ARHGAP29: variants seen among roughly 807,000 people sequenced by gnomAD.
The protein encoded by ARHGAP29 is rho GTPase-activating protein 29.
ARHGAP29 carries 43 observed loss-of-function variants against 122.6 expected under a neutral mutation model. The observed-to-expected ratio is 0.35, with a 90% CI of 0.27 to 0.45. The LOEUF is 0.45. ARHGAP29 is among the 20% of genes least tolerant of loss of function. The pLI, the probability that ARHGAP29 is intolerant of heterozygous loss-of-function variation, is 1.00. For missense variants in ARHGAP29, 1,303 were observed against 1,477.2 expected (o/e 0.88, Z 1.93); for synonymous variants, 506 against 497.1 (o/e 1.02, Z -0.24).
intron 1 of ARHGAP29, among the ~76,000 whole-genome samples, chr1:94,253,040 G>T (rs1007086994): frequency 1.3e-5 from 2 of 151,704 alleles, no homozygotes; most frequent in East Asian, 3.9e-4. Flanking sequence ...GCGTGATCTC[G>T]GCTCACTGCA....
intron 3 of ARHGAP29, among the ~76,000 whole-genome samples, chr1:94,217,529 C>CA (rs11297785): frequency 0.015 from 1,877 of 127,662 alleles, 36 homozygotes; most frequent in African/African-American, 0.049. Context: ...GACACCGTCT[C>CA]AAAAAAAAAA....
chr1:94,300,309 A>T, the ARHGAP29 span, among the ~76,000 whole-genome samples: 2 of 152,166 alleles, frequency 1.3e-5, no homozygotes, highest in Non-Finnish European at 2.9e-5. Context: ...ACAATACTTA[A>T]TTGATTTGCC....
intron 2 of ARHGAP29, among the ~76,000 whole-genome samples, chr1:94,226,702 G>A (rs570115471): frequency 6.6e-6 from 1 of 151,290 alleles, no homozygotes; most frequent in East Asian, 1.9e-4. Context: ...CCGAGAACTG[G>A]TACAGGTGTA....
chr1:94,196,331 G>A (rs1348351749), intron 12 of ARHGAP29, among the ~76,000 whole-genome samples: 1 of 128,772 alleles, frequency 7.8e-6, no homozygotes, highest in Non-Finnish European at 1.6e-5. Context: ...GCGCGATCTC[G>A]GCTCACTGCA....
rs1372786457 is a variant in ARHGAP29, at chr1:94,169,440, A to G, written c.*4429T>C. On this transcript the variant is annotated 3_prime_UTR_variant, in exon 23 of 23. Coordinates refer to ENST00000260526, the MANE Select transcript of ARHGAP29 (RefSeq NM_004815.4). Reference sequence around the variant, plus strand: ...GGCATGTCAAGAGGTTGAGGGAGGGAGGAAGAATGAACAAATTATTTAGGA... The same window carrying G: ...GGCATGTCAAGAGGTTGAGGGAGGGGGGAAGAATGAACAAATTATTTAGGA... 6.6e-6 allele frequency among the ~76,000 whole-genome samples: 1 copy of G among 152,124 alleles called. No homozygotes were observed. The highest frequency in any genetic ancestry group is 1.5e-5 in the Non-Finnish European group (1 of 68,022).
the ARHGAP29 span, among the ~76,000 whole-genome samples, chr1:94,305,832 TAC>T: frequency 6.6e-5 from 10 of 152,224 alleles, no homozygotes; most frequent in African/African-American, 2.4e-4. Flanking sequence ...TTCACTGTCT[TAC>T]CTCAAAGTTC....
At chr1:94,310,953 C>T in the ARHGAP29 span, among the ~76,000 whole-genome samples, 1 of 152,160 alleles carries the variant, frequency 6.6e-6, no homozygotes, top group African/African-American at 2.4e-5. Flanking sequence ...TTCTACTCTC[C>T]CACTTGCCCT....
At position 94,185,463 on chromosome 1, in the gene ARHGAP29, G is replaced by T; in HGVS notation, c.1799C>A (p.Thr600Lys). The change falls in exon 17 of 23, where the codon ACA becomes AAA. Residue 600 changes from threonine (T) to lysine (K), a missense_variant. Thr to Lys is a moderately conservative substitution (Grantham distance 78). Transcript: ENST00000260526. ...PSETGPNSLG[T>K]FKKTLMSKAA... ...CTTTGACATCAATGTTTTCTTAAATGTTCCAAGGGAATTGGGTCCTTGCAA... is the reference window on the plus strand; with the variant it reads ...CTTTGACATCAATGTTTTCTTAAATTTTCCAAGGGAATTGGGTCCTTGCAA... 6.2e-7 allele frequency: 1 copy of T among 1,607,442 alleles called. No individual in the cohort carries two copies. The highest frequency in any genetic ancestry group is 8.5e-7 in the Non-Finnish European group (1 of 1,177,900).
intron 2 of ARHGAP29, among the ~76,000 whole-genome samples, chr1:94,226,410 A>G (rs1261915503): frequency 6.6e-6 from 1 of 152,024 alleles, no homozygotes; most frequent in Non-Finnish European, 1.5e-5. Flanking sequence ...ATAGACACAG[A>G]AACAAGCATA....
intron 20 of ARHGAP29, 115 bp from the exon 21 acceptor site, chr1:94,178,282 G>C: frequency 1.0e-6 from 1 of 956,052 alleles, no homozygotes; most frequent in Non-Finnish European, 1.5e-6. Flanking sequence ...AAATACTAGG[G>C]GGAAAAAGTC....
intron 12 of ARHGAP29, chr1:94,191,345 C>T (rs983780778): frequency 6.6e-5 from 10 of 152,136 alleles, no homozygotes; most frequent in African/African-American, 2.2e-4. Flanking sequence ...ATTTCAAAGA[C>T]TGCCATGTTT....
In ARHGAP29 at chr1:94,237,492, C is replaced by T; in HGVS notation, c.-110G>A. The T allele has an allele frequency of 1.0e-6, 1 of 989,410 alleles. No individual in the cohort carries two copies. The highest frequency in any genetic ancestry group is 1.2e-6 in the Non-Finnish European group (1 of 832,638). The allele number at this position is 989,410 out of a possible 1,614,324, so 61.3% of individuals were successfully genotyped here. A position where few individuals can be genotyped will look rare whatever the true frequency, so the allele number is the denominator to read the frequency against. On this transcript the variant is annotated 5_prime_UTR_variant, in exon 1 of 23. Coordinates refer to ENST00000260526, the MANE Select transcript of ARHGAP29 (RefSeq NM_004815.4). ...CCGCCGCCACCGCCGAGGGCTGGAG[C>T]TCGCTGCCCCCATCCCCCACGGCCT...
At chr1:94,260,291 G>A (rs1027663612) in intron 1 of ARHGAP29, among the ~76,000 whole-genome samples, 1 of 152,148 alleles carries the variant, frequency 6.6e-6, no homozygotes, top group Non-Finnish European at 1.5e-5. Context: ...ACCAGCTTTC[G>A]TTTCTCTAAA....
chr1:94,209,374 T>A (rs763964283), intron 3 of ARHGAP29, 24 bp from the exon 4 acceptor site: 1 of 1,483,394 alleles, frequency 6.7e-7, no homozygotes, highest in Non-Finnish European at 9.2e-7. Context: ...TTGGTTACAA[T>A]AAGGAAAAAC....
At chr1:94,275,201 T>A (rs900425249), upstream of ARHGAP29, 1 of 152,232 alleles carries the variant, frequency 6.6e-6, no homozygotes, top group Non-Finnish European at 1.5e-5. Context: ...CTGGTGTGCA[T>A]GAACCATGTT....
intron 12 of ARHGAP29, among the ~76,000 whole-genome samples, chr1:94,199,618 T>C (rs1650708976): frequency 1.3e-5 from 2 of 152,316 alleles, no homozygotes; most frequent in South Asian, 2.1e-4. Flanking sequence ...TTATTTTCTC[T>C]GTCCTAAATC....
At position 94,177,728 on chromosome 1, in the gene ARHGAP29, T is replaced by G. The variant is rs755414279; in HGVS notation, c.2797-8A>C. The G allele has an allele frequency of 6.3e-7, 1 of 1,599,878 alleles. No individual in the cohort carries two copies. Among genetic ancestry groups the G allele is most frequent in the Admixed American group, 1.7e-5 (1 of 57,462 alleles). Reference sequence around the variant, plus strand: ...CTCTGAAGTATGGATATCCTGTTGATGCAAGATAATTTTTAAAATGGAAGA... The same window carrying G: ...CTCTGAAGTATGGATATCCTGTTGAGGCAAGATAATTTTTAAAATGGAAGA... On this transcript the variant is annotated splice_region_variant and splice_polypyrimidine_tract_variant and intron_variant, in intron 21 of 22. Coordinates refer to ENST00000260526, the MANE Select transcript of ARHGAP29 (RefSeq NM_004815.4).
chr1:94,282,345 G>T, the ARHGAP29 span, among the ~76,000 whole-genome samples: 2 of 151,702 alleles, frequency 1.3e-5, no homozygotes, highest in Non-Finnish European at 2.9e-5. Flanking sequence ...AGAGTGCAGT[G>T]GTGCAATCTG....
chr1:94,184,849 A>C (rs552438991), intron 18 of ARHGAP29, 23 bp downstream of exon 18: 1 of 1,526,510 alleles, frequency 6.6e-7, no homozygotes, highest in African/African-American at 1.4e-5. Flanking sequence ...ATGCTTTTTA[A>C]AATTTTAAGA....
Sources: gnomAD v4.1 joint callset for allele counts (sites outside exome capture counted in the v4.1 genomes callset) on GRCh38, gnomAD v4.1.1 for gene constraint, MANE v1.5 for transcripts, NCBI Gene and HGNC (gene_info 2026-07-23, HGNC 2026-07-21) for gene names.